The following SEM1 variants were observed in gnomAD, a reference collection of about 807,000 sequenced individuals.
The protein encoded by SEM1 is 26S proteasome complex subunit SEM1.
Under a neutral mutation model 12.7 loss-of-function variants are expected in SEM1, and 3 were observed. The ratio of observed to expected loss-of-function variants is 0.24; its 90% CI spans 0.11 to 0.61. The LOEUF (loss-of-function observed/expected upper bound fraction) is 0.61. SEM1 is among the 20% of genes least tolerant of loss of function. The pLI is 0.88. For missense variants in SEM1, 59 were observed against 81.3 expected, an observed-to-expected ratio of 0.73 and a Z score of 1.06; for synonymous variants, 30 against 27.8, an observed-to-expected ratio of 1.08 and a Z score of -0.25.
intron 2 of SEM1, among the ~76,000 whole-genome samples, chr7:96,514,466 G>A (rs1342960334): frequency 6.6e-6 from 1 of 152,066 alleles, no homozygotes; most frequent in Non-Finnish European, 1.5e-5. Context: ...TGGGAAAGAA[G>A]AAATAAAACT....
chr7:96,581,811 A>T (rs1461701104), intron 2 of SEM1, among the ~76,000 whole-genome samples: 5 of 151,128 alleles, frequency 3.3e-5, no homozygotes, highest in African/African-American at 1.2e-4. Flanking sequence ...TGATTTTTGT[A>T]CATTGATTTT....
chr7:96,600,564 G>GT (rs1474241824), intron 2 of SEM1, among the ~76,000 whole-genome samples: 1 of 152,200 alleles, frequency 6.6e-6, no homozygotes, highest in Non-Finnish European at 1.5e-5. Context: ...GTGAGTGTGA[G>GT]TAAGGTGCCC....
intron 2 of SEM1, among the ~76,000 whole-genome samples, chr7:96,554,831 T>C (rs1187555395): frequency 1.3e-5 from 2 of 151,366 alleles, no homozygotes; most frequent in Non-Finnish European, 2.9e-5. Context: ...GGTCCTAGAC[T>C]CTTTTTGGTT....
intron 2 of SEM1, among the ~76,000 whole-genome samples, chr7:96,681,592 T>C (rs1405872503): frequency 2.0e-5 from 3 of 152,166 alleles, no homozygotes; most frequent in Non-Finnish European, 4.4e-5. Flanking sequence ...CAGTTTCAGC[T>C]TTCTATGTAT....
intron 2 of SEM1, among the ~76,000 whole-genome samples, chr7:96,564,999 C>A (rs1365058303): frequency 6.6e-6 from 1 of 151,866 alleles, no homozygotes; most frequent in African/African-American, 2.4e-5. Flanking sequence ...TCACTACTTA[C>A]TTAAATTTTG....
intron 2 of SEM1, among the ~76,000 whole-genome samples, chr7:96,628,579 A>G (rs1310227235): frequency 2.0e-5 from 3 of 152,122 alleles, no homozygotes; most frequent in Non-Finnish European, 4.4e-5. Flanking sequence ...GTTTGTATTT[A>G]TATCTTACTA....
chr7:96,525,749 C>G (rs1020586514), intron 2 of SEM1, among the ~76,000 whole-genome samples: 1 of 152,144 alleles, frequency 6.6e-6, no homozygotes, highest in Non-Finnish European at 1.5e-5. Flanking sequence ...TGAGCTCTAC[C>G]TCCTGTCAGA....
chr7:96,548,575 CCTGA>C (rs1454433486), intron 2 of SEM1, among the ~76,000 whole-genome samples: 1 of 152,142 alleles, frequency 6.6e-6, no homozygotes, highest in Non-Finnish European at 1.5e-5. Flanking sequence ...TGTCTGAGAA[CCTGA>C]CTGCTACTTA....
At chr7:96,560,125 T>C (rs1488434012) in intron 2 of SEM1, among the ~76,000 whole-genome samples, 1 of 152,190 alleles carries the variant, frequency 6.6e-6, no homozygotes, top group South Asian at 2.1e-4. Flanking sequence ...CTATTATAAA[T>C]AGTTCCGCAA....
At chr7:96,652,972 C>T (rs1809047880) in intron 2 of SEM1, among the ~76,000 whole-genome samples, 1 of 152,156 alleles carries the variant, frequency 6.6e-6, no homozygotes, top group African/African-American at 2.4e-5. Flanking sequence ...ATTCTAATAA[C>T]AATAATGGTG....
rs66875119 is a variant in SEM1, at chr7:96,573,927, AT to A, written c.171-67230del. ...AGGTTTGGTCTTTTCACATGGTCCC[AT>A]TTTTTTTTTTAATATTTTTTATTAT... On this transcript the variant is annotated intron_variant and NMD_transcript_variant, in intron 2 of 3. Coordinates refer to the SEM1 transcript ENST00000466986. Among the ~76,000 whole-genome samples, 193 of 48,082 alleles carry A rather than the reference AT, an allele frequency of 4.0e-3. 2 individuals are homozygous for A. Among genetic ancestry groups the A allele is most frequent in the South Asian group, 0.037 (45 of 1,216 alleles). 31.5% of individuals were successfully genotyped at this position (48,082 alleles called of 152,430 possible). A position where few individuals can be genotyped will look rare whatever the true frequency, so the allele number is the denominator to read the frequency against.
At chr7:96,619,569 C>A (rs911003503), downstream of SEM1, among the ~76,000 whole-genome samples, 1 of 152,012 alleles carries the variant, frequency 6.6e-6, no homozygotes, top group Non-Finnish European at 1.5e-5. Flanking sequence ...TTCTTCTTAG[C>A]CTCCAGGTGG....
At chr7:96,689,028 A>G in intron 2 of SEM1, 62 bp from the exon 3 acceptor site, 2 of 986,374 alleles carry the variant, frequency 2.0e-6, no homozygotes, top group Non-Finnish European at 3.2e-6. Flanking sequence ...TTTTAGAAAC[A>G]ATACAATAAA....
intron 2 of SEM1, among the ~76,000 whole-genome samples, chr7:96,528,123 C>T (rs1804527621): frequency 6.6e-6 from 1 of 152,064 alleles, no homozygotes; most frequent in South Asian, 2.1e-4. Flanking sequence ...AAGTTTTGTG[C>T]AGTCAGATTG....
upstream of SEM1, among the ~76,000 whole-genome samples, chr7:96,497,950 T>C (rs920017151): frequency 2.0e-5 from 3 of 152,196 alleles, no homozygotes; most frequent in Non-Finnish European, 4.4e-5. Context: ...ATAGAAAATA[T>C]AAAAAGGATC....
intron 2 of SEM1, among the ~76,000 whole-genome samples, chr7:96,561,263 C>T (rs1805684165): frequency 6.6e-6 from 1 of 152,114 alleles, no homozygotes; most frequent in South Asian, 2.1e-4. Flanking sequence ...ATGAAATCTG[C>T]AGAACTACTG....
chr7:96,492,789 GTT>G (rs1455615916), intron 1 of SEM1, among the ~76,000 whole-genome samples: 2 of 139,614 alleles, frequency 1.4e-5, no homozygotes, highest in Non-Finnish European at 3.2e-5. Context: ...GTGTGTGTGT[GTT>G]TGTGTACACC....
intron 3 of SEM1, among the ~76,000 whole-genome samples, chr7:96,501,466 T>C (rs1028930279): frequency 6.6e-6 from 1 of 152,128 alleles, no homozygotes; most frequent in Non-Finnish European, 1.5e-5. Flanking sequence ...CCAATCTTTT[T>C]TGATTAATCA....
intron 2 of SEM1, among the ~76,000 whole-genome samples, chr7:96,680,225 C>T (rs1789568156): frequency 6.6e-6 from 1 of 152,062 alleles, no homozygotes; most frequent in African/African-American, 2.4e-5. Context: ...TAGCTTCTCT[C>T]TCTTTCCTGA....
Sources: allele counts gnomAD v4.1 joint callset (sites outside exome capture counted in the v4.1 genomes callset), GRCh38; gene constraint gnomAD v4.1.1; transcripts MANE v1.5; gene names NCBI Gene and HGNC (gene_info 2026-07-23, HGNC 2026-07-21).